MYBPC3: variants seen among roughly 807,000 people sequenced by gnomAD.
MYBPC3 encodes the protein myosin-binding protein C, cardiac-type.
A neutral mutation model predicts 159.3 loss-of-function variants in MYBPC3; 108 were observed. That is an observed-to-expected ratio of 0.68 (90% confidence interval 0.58 to 0.80). The LOEUF is 0.80. Ranked by LOEUF, MYBPC3 falls within the 30% of genes least tolerant of loss-of-function variation. MYBPC3 has a pLI of 0.00. For synonymous variants in MYBPC3, 730 were observed against 702.0 expected (o/e 1.04, Z -0.63); for missense variants, 1,631 against 1,762.1 (o/e 0.93, Z 1.33).
At chr11:47,339,014 T>C (rs1035360082) in intron 22 of MYBPC3, among the ~76,000 whole-genome samples, 2 of 152,190 alleles carry the variant, frequency 1.3e-5, no homozygotes, top group Non-Finnish European at 2.9e-5. Context: ...TCTCAGAAAC[T>C]ACTCCTGAGT....
intron 18 of MYBPC3, 117 bp downstream of exon 18, chr11:47,341,874 T>C: frequency 2.9e-6 from 4 of 1,362,676 alleles, no homozygotes; most frequent in Non-Finnish European, 4.0e-6. Context: ...GTCCTGTCTC[T>C]GTGCATCTGC....
chr11:47,334,102 G>A (rs2095880083), intron 27 of MYBPC3, 92 bp from the exon 28 acceptor site: 1 of 1,288,636 alleles, frequency 7.8e-7, no homozygotes. Flanking sequence ...GGCCCAGAGA[G>A]CTGCAGCTAA....
chr11:47,333,841 C>T (rs2095879807), intron 28 of MYBPC3, 81 bp downstream of exon 28: 1 of 1,548,596 alleles, frequency 6.5e-7, no homozygotes, highest in South Asian at 1.2e-5. Flanking sequence ...TCAGGCCAGC[C>T]CTGAGACATC....
intron 34 of MYBPC3, 21 bp from the exon 35 acceptor site, chr11:47,331,737 C>A (rs753565184): frequency 8.6e-7 from 1 of 1,162,790 alleles, no homozygotes; most frequent in South Asian, 1.5e-5. Context: ...GGTTATCTTA[C>A]GAGTGAATGG....
chr11:47,336,555 G>A lies in MYBPC3; in HGVS notation c.2603-544C>T, dbSNP rs75723505. On this transcript the variant is annotated intron_variant, in intron 25 of 34. Coordinates refer to ENST00000545968, the MANE Select transcript of MYBPC3 (RefSeq NM_000256.3). ...AGAAAACATGGGAATTTCCTGGCACGTATGATTAGGTGAGTTGACTAAGAA... is the reference window on the plus strand; with the variant it reads ...AGAAAACATGGGAATTTCCTGGCACATATGATTAGGTGAGTTGACTAAGAA... 1.1e-4 allele frequency among the ~76,000 whole-genome samples: 17 copies of A among 150,230 alleles called. No individual in the cohort carries two copies. The East Asian group carries it at 2.9e-3, about 26-fold the overall frequency.
intron 17 of MYBPC3, 67 bp downstream of exon 17, chr11:47,342,511 G>A: frequency 5.5e-6 from 8 of 1,456,682 alleles, no homozygotes; most frequent in Non-Finnish European, 6.3e-6. Context: ...CCCCTACAGG[G>A]CTAGGTGGGG....
chr11:47,337,882 C>A, intron 23 of MYBPC3, 88 bp from the exon 24 acceptor site: 1 of 1,111,774 alleles, frequency 9.0e-7, no homozygotes, highest in East Asian at 2.6e-5. Flanking sequence ...TCCAACTAAC[C>A]GCCACAGGCT....
At position 47,351,188 on chromosome 11, in the gene MYBPC3, T is replaced by A; in HGVS notation, c.292+51A>T. The A allele has an allele frequency of 7.3e-6, 9 of 1,237,510 alleles. No homozygotes were observed. Among genetic ancestry groups the A allele is most frequent in the Admixed American group, 5.1e-5 (2 of 39,414 alleles). The allele number at this position is 1,237,510 out of a possible 1,614,324, so 76.7% of individuals were successfully genotyped here. A position where few individuals can be genotyped will look rare whatever the true frequency, so the allele number is the denominator to read the frequency against. ...CTGGATGGATGGAGAGTCGCTGGGC[T>A]GCCCCTCCCCCAGCAGCCCAAACCT... On this transcript the variant is annotated intron_variant, in intron 2 of 34. Transcript: ENST00000545968. The surrounding 1 kb of genome is among the most constrained non-coding windows in gnomAD (Gnocchi z 4.2).
chr11:47,350,010 T>C lies in MYBPC3; in HGVS notation c.505+4A>G. 6.5e-7 allele frequency: 1 copy of C among 1,545,832 alleles called. No individual in the cohort carries two copies. Among genetic ancestry groups the C allele is most frequent in the Non-Finnish European group, 8.8e-7 (1 of 1,142,326 alleles). ...CAATGCTGGGCACAGCAGCTCACAC[T>C]CACCCACGGTCACCTCGCCATCCTG... On this transcript the variant is annotated splice_donor_region_variant and intron_variant, in intron 4 of 34. Coordinates refer to ENST00000545968, the MANE Select transcript of MYBPC3 (RefSeq NM_000256.3).
chr11:47,348,928 T>TATATATATATATATATATATA (rs1424143680), intron 5 of MYBPC3, among the ~76,000 whole-genome samples: 7 of 9,910 alleles, frequency 7.1e-4, no homozygotes, highest in Non-Finnish European at 1.1e-3. Context: ...ATATATATAT[T>TATATATATATATATATATATA]TAAAGGAGGC....
intron 25 of MYBPC3, 98 bp downstream of exon 25, chr11:47,337,293 G>A: frequency 2.3e-6 from 3 of 1,283,584 alleles, no homozygotes; most frequent in Non-Finnish European, 2.1e-6. Context: ...GACTGTGGAT[G>A]TGAGTGTCTA....
Position 47,343,644 on chromosome 11 carries a change from C to T in MYBPC3, c.1091-20G>A, listed in dbSNP as rs778493045. The T allele has an allele frequency of 2.5e-6, 4 of 1,592,138 alleles. No individual in the cohort carries two copies. Among genetic ancestry groups the T allele is most frequent in the Non-Finnish European group, 3.4e-6 (4 of 1,170,136 alleles). Reference sequence around the variant, plus strand: ...GAAAGGCTGAGCACCACCCCTCAGCCCCGGCCACCCCACCGCCCGCACCCT... The same window carrying T: ...GAAAGGCTGAGCACCACCCCTCAGCTCCGGCCACCCCACCGCCCGCACCCT... On this transcript the variant is annotated intron_variant, in intron 12 of 34. Coordinates refer to ENST00000545968, the MANE Select transcript of MYBPC3 (RefSeq NM_000256.3).
intron 3 of MYBPC3, 140 bp downstream of exon 3, chr11:47,350,362 T>C: frequency 7.2e-7 from 1 of 1,398,550 alleles, no homozygotes. Context: ...CCTGACCTCA[T>C]GATCCGCCCA....
chr11:47,342,681 C>T lies in MYBPC3; in HGVS notation c.1521G>A (p.Gly507=), dbSNP rs1235816440. 2.5e-6 allele frequency: 4 copies of T among 1,614,032 alleles called. No individual in the cohort carries two copies. The highest frequency in any genetic ancestry group is 1.7e-6 in the Non-Finnish European group (2 of 1,179,898). Residue 507 remains glycine (G), a synonymous_variant, in exon 17 of 35, where the codon GGG becomes GGA. Transcript: ENST00000545968. The part of the protein sequence containing the change: ...ETFKYRFKKD[G]QRHHLIINEA... ...CGTTGATGATCAGGTGGTGTCTCTGCCCGTCCTTCTTGAACCGGTATTTGA... is the reference window on the plus strand; with the variant it reads ...CGTTGATGATCAGGTGGTGTCTCTGTCCGTCCTTCTTGAACCGGTATTTGA...
chr11:47,331,771 A>T, intron 34 of MYBPC3, 55 bp from the exon 35 acceptor site: 1 of 1,468,126 alleles, frequency 6.8e-7, no homozygotes. Context: ...CCTCCCATTT[A>T]CTGATGGCTG....
chr11:47,349,835 T>G lies in MYBPC3; in HGVS notation c.593A>C (p.Asp198Ala). The change falls in exon 5 of 35, where the codon GAC becomes GCC. Residue 198 changes from aspartate (D) to alanine (A), a missense_variant. Asp to Ala is a moderately radical substitution (Grantham distance 126, BLOSUM62 -2). Coordinates refer to ENST00000545968, the MANE Select transcript of MYBPC3 (RefSeq NM_000256.3). The part of the protein sequence containing the change: ...VVKWFKGKWV[D>A]LSSKVGQHLQ... The stretch of plus-strand genomic sequence containing the variant: ...GTGCTGGCCCACCTTGCTGCTCAGG[T>G]CCACCCATTTGCCCTTGAACCACTT... 1.2e-6 allele frequency: 2 copies of G among 1,612,130 alleles called. No homozygotes were observed. The highest frequency in any genetic ancestry group is 1.7e-6 in the Non-Finnish European group (2 of 1,179,736).
At chr11:47,336,040 C>G in intron 25 of MYBPC3, 29 bp from the exon 26 acceptor site, 1 of 1,421,514 alleles carries the variant, frequency 7.0e-7, no homozygotes, top group Non-Finnish European at 9.2e-7. Flanking sequence ...AGAGAGGGGT[C>G]TGAGCAAGCC....
chr11:47,332,441 C>T lies in MYBPC3; in HGVS notation c.3627+125G>A. 2 of 1,472,160 alleles carry T rather than the reference C, an allele frequency of 1.4e-6. No individual in the cohort carries two copies. The highest frequency in any genetic ancestry group is 9.2e-7 in the Non-Finnish European group (1 of 1,090,474). The allele number at this position is 1,472,160 out of a possible 1,614,324, so 91.2% of individuals were successfully genotyped here. A position where few individuals can be genotyped will look rare whatever the true frequency, so the allele number is the denominator to read the frequency against. ...CCATGGCCCTGCCCAGGGGGAGGAA[C>T]CCGGTCCATACACCCCAAGGTGGAG... On this transcript the variant is annotated intron_variant, in intron 32 of 34. Transcript: ENST00000545968. This position sits in a 1 kb window ranked among gnomAD's most constrained non-coding sequence, Gnocchi z 4.2.
At position 47,351,409 on chromosome 11, in the gene MYBPC3, C is replaced by T. The variant is rs764849803; in HGVS notation, c.122G>A (p.Arg41His). ...GATGTCACTGCCTCCGCGCTGCCAGCGCACCTTCACTCCTGCCCGCTCTGT... is the reference window on the plus strand; with the variant it reads ...GATGTCACTGCCTCCGCGCTGCCAGTGCACCTTCACTCCTGCCCGCTCTGT... The part of the protein sequence containing the change: ...AETERAGVKV[R>H]WQRGGSDISA... The change falls in exon 2 of 35, where the codon CGC becomes CAC. Residue 41 changes from arginine to histidine, a missense_variant. Arg to His is a conservative substitution (Grantham distance 29). Coordinates refer to ENST00000545968, the MANE Select transcript of MYBPC3 (RefSeq NM_000256.3). The surrounding 1 kb of genome is among the most constrained non-coding windows in gnomAD (Gnocchi z 4.2). The T allele has an allele frequency of 1.1e-5, 18 of 1,609,834 alleles. No individual in the cohort carries two copies. Among genetic ancestry groups the T allele is most frequent in the Middle Eastern group, 1.6e-4 (1 of 6,080 alleles).
Sources: gnomAD v4.1 joint callset for allele counts (sites outside exome capture counted in the v4.1 genomes callset) on GRCh38, gnomAD v4.1.1 for gene constraint, Gnocchi (gnomAD v3.1) non-coding constraint, MANE v1.5 for transcripts, NCBI Gene and HGNC (gene_info 2026-07-23, HGNC 2026-07-21) for gene names.